Variants in CACNA2D1 observed in about 807,000 individuals in gnomAD.
The protein encoded by CACNA2D1 is voltage-dependent calcium channel subunit alpha-2/delta-1.
A neutral mutation model predicts 171.5 loss-of-function variants in CACNA2D1; 53 were observed. The observed-to-expected ratio is 0.31, with a 90% confidence interval of 0.25 to 0.39. The LOEUF (loss-of-function observed/expected upper bound fraction) is 0.39, where lower values mean the gene tolerates loss of function less well. Among genes scored for constraint, CACNA2D1 ranks in the 10% least tolerant of loss-of-function variants. CACNA2D1 has a pLI of 1.00. For synonymous variants in CACNA2D1, 442 were observed against 443.1 expected, an observed-to-expected ratio of 1.00 and a Z score of 0.03; for missense variants, 903 against 1,299.8, an observed-to-expected ratio of 0.69 and a Z score of 4.69.
intron 7 of CACNA2D1, among the ~76,000 whole-genome samples, chr7:82,081,552 T>C (rs1450897705): frequency 1.3e-5 from 2 of 152,190 alleles, no homozygotes; most frequent in Non-Finnish European, 2.9e-5. Flanking sequence ...AACAGGTAAA[T>C]GAATTCAGCC....
chr7:82,015,964 G>A (rs531127113), intron 12 of CACNA2D1, among the ~76,000 whole-genome samples: 4 of 152,288 alleles, frequency 2.6e-5, no homozygotes, highest in East Asian at 3.9e-4. Context: ...AGCTGGTTAC[G>A]TAAGAGGCCA....
chr7:82,393,230 G>A (rs978882208), intron 1 of CACNA2D1, among the ~76,000 whole-genome samples: 1 of 152,024 alleles, frequency 6.6e-6, no homozygotes, highest in African/African-American at 2.4e-5. Context: ...AAAAATTGTA[G>A]CTATATACAA....
chr7:81,961,692 A>T (rs534206789), intron 36 of CACNA2D1, among the ~76,000 whole-genome samples: 82 of 152,132 alleles, frequency 5.4e-4, no homozygotes, highest in Admixed American at 2.4e-3. Flanking sequence ...AGAATTTTAA[A>T]AATTACAAAT....
At chr7:82,173,029 C>T (rs1374630482) in intron 3 of CACNA2D1, among the ~76,000 whole-genome samples, 1 of 152,002 alleles carries the variant, frequency 6.6e-6, no homozygotes, top group Non-Finnish European at 1.5e-5. Context: ...CAGGGCTATG[C>T]AGTTTCCAAG....
At chr7:82,318,734 C>T (rs1815420941) in intron 3 of CACNA2D1, among the ~76,000 whole-genome samples, 1 of 152,104 alleles carries the variant, frequency 6.6e-6, no homozygotes, top group East Asian at 1.9e-4. Flanking sequence ...ACAAAAATGC[C>T]AACCTAGAAC....
intron 1 of CACNA2D1, among the ~76,000 whole-genome samples, chr7:82,428,708 T>C (rs963926465): frequency 6.6e-6 from 1 of 152,174 alleles, no homozygotes; most frequent in Admixed American, 6.5e-5. Flanking sequence ...AGCCTTACCA[T>C]TTCCCCTAAA....
chr7:82,002,021 CAAAAAAAAA>C (rs35861959), intron 18 of CACNA2D1, among the ~76,000 whole-genome samples: 12 of 89,436 alleles, frequency 1.3e-4, no homozygotes, highest in South Asian at 5.3e-4. Flanking sequence ...ATTGATTTGA[CAAAAAAAAA>C]AAAAAAAAAA....
chr7:82,026,892 A>T (rs180756497), intron 12 of CACNA2D1, among the ~76,000 whole-genome samples: 4 of 151,800 alleles, frequency 2.6e-5, no homozygotes, highest in Non-Finnish European at 4.4e-5. Flanking sequence ...GGTATACTCA[A>T]AAGTATAACT....
At chr7:82,314,918 TAAAG>T (rs1375897663) in intron 3 of CACNA2D1, among the ~76,000 whole-genome samples, 1 of 151,750 alleles carries the variant, frequency 6.6e-6, no homozygotes, top group Non-Finnish European at 1.5e-5. Flanking sequence ...ATTCCAGTGT[TAAAG>T]AAACAGGGAC....
rs548426761 is a variant in CACNA2D1 at position 82,346,077 on chromosome 7, G to C, written c.177+3491C>G. On this transcript the variant is annotated intron_variant, in intron 2 of 38. Transcript: ENST00000356860. ...AAAATGTCTTACTCTTAAATGACTG[G>C]ATATCTTCTCTCCAAATCTCTTTCC... is the stretch of plus-strand genomic sequence containing the variant. Among the ~76,000 whole-genome samples, 14 of 152,158 alleles carry C rather than the reference G, an allele frequency of 9.2e-5. No homozygotes were observed. The South Asian group carries it at 2.3e-3, about 25-fold the overall frequency.
intron 3 of CACNA2D1, among the ~76,000 whole-genome samples, chr7:82,174,973 G>A (rs1272013961): frequency 6.6e-6 from 1 of 151,816 alleles, no homozygotes; most frequent in East Asian, 1.9e-4. Flanking sequence ...AATTCTGTCA[G>A]GTGATATAAA....
chr7:81,974,137 T>C (rs2159567), intron 25 of CACNA2D1, among the ~76,000 whole-genome samples: 14,040 of 151,964 alleles, frequency 0.092, 684 homozygotes, highest in Middle Eastern at 0.2. Context: ...CAAAATGCTA[T>C]AAAAAAACCT....
intron 25 of CACNA2D1, among the ~76,000 whole-genome samples, chr7:81,973,525 T>TA (rs1795513248): frequency 6.6e-6 from 1 of 151,598 alleles, no homozygotes; most frequent in South Asian, 2.1e-4. Flanking sequence ...TGACCCTTCC[T>TA]AATAGAAAGA....
At chr7:81,963,797 A>G (rs761131810) in intron 34 of CACNA2D1, among the ~76,000 whole-genome samples, 5 of 151,904 alleles carry the variant, frequency 3.3e-5, no homozygotes, top group Non-Finnish European at 7.4e-5. Context: ...ATAGATATGT[A>G]GAGGAAGGAA....
chr7:82,327,881 C>T (rs1353564482), intron 3 of CACNA2D1, among the ~76,000 whole-genome samples: 1 of 152,188 alleles, frequency 6.6e-6, no homozygotes, highest in Non-Finnish European at 1.5e-5. Flanking sequence ...CATTCAATTG[C>T]AATGTCATGC....
intron 1 of CACNA2D1, among the ~76,000 whole-genome samples, chr7:82,441,172 TG>T (rs774300690): frequency 1.3e-5 from 2 of 152,064 alleles, no homozygotes; most frequent in African/African-American, 4.8e-5. Flanking sequence ...CACATCTTTA[TG>T]AAAAATATTG....
At chr7:82,237,340 A>G (rs538503485) in intron 3 of CACNA2D1, among the ~76,000 whole-genome samples, 5 of 152,084 alleles carry the variant, frequency 3.3e-5, no homozygotes, top group Admixed American at 3.3e-4. Context: ...CTAGATCAGC[A>G]AATTTTTACT....
chr7:82,220,395 C>G (rs575646956), intron 3 of CACNA2D1, among the ~76,000 whole-genome samples: 1 of 152,166 alleles, frequency 6.6e-6, no homozygotes, highest in African/African-American at 2.4e-5. Flanking sequence ...CAAAGCACAT[C>G]TTTATGTTAT....
At chr7:82,431,781 T>C (rs1337044984) in intron 1 of CACNA2D1, among the ~76,000 whole-genome samples, 4 of 105,888 alleles carry the variant, frequency 3.8e-5, no homozygotes, top group Non-Finnish European at 5.6e-5. Context: ...GGCTCACGCC[T>C]GTAACCCCAG....
Sources: gnomAD v4.1 joint callset for allele counts (sites outside exome capture counted in the v4.1 genomes callset) on GRCh38, gnomAD v4.1.1 for gene constraint, MANE v1.5 for transcripts, NCBI Gene and HGNC (gene_info 2026-07-23, HGNC 2026-07-21) for gene names.